The following SEC23IP variants were observed in gnomAD, a reference collection of about 807,000 sequenced individuals.
SEC23IP encodes SEC23 interacting protein, also known as SEC23-interacting protein.
In SEC23IP, 70 loss-of-function variants were observed where a neutral mutation model predicts 113.4. That is an observed-to-expected ratio of 0.62 (90% CI 0.51 to 0.75). The LOEUF is 0.75. Ranked by LOEUF, SEC23IP falls within the 30% of genes least tolerant of loss-of-function variation. SEC23IP has a pLI of 0.00. For synonymous variants in SEC23IP, 398 were observed against 421.0 expected (o/e 0.95, Z 0.67); for missense variants, 1,160 against 1,204.9 (o/e 0.96, Z 0.55).
chr10:119,912,715 A>G (rs1173585654), intron 6 of SEC23IP, among the ~76,000 whole-genome samples: 1 of 145,542 alleles, frequency 6.9e-6, no homozygotes. Context: ...ATCTCAGCTC[A>G]TTACAACCTC....
At chr10:119,897,659 T>C (rs889045809) in intron 1 of SEC23IP, among the ~76,000 whole-genome samples, 4 of 152,046 alleles carry the variant, frequency 2.6e-5, no homozygotes, top group African/African-American at 9.7e-5. Flanking sequence ...ATTTGGGTAG[T>C]CGAGTAACAG....
intron 16 of SEC23IP, 36 bp from the exon 17 acceptor site, chr10:119,932,969 T>C: frequency 6.3e-7 from 1 of 1,578,196 alleles, no homozygotes; most frequent in Non-Finnish European, 8.7e-7. Context: ...AAAGATTAAG[T>C]GATTGACTTT....
chr10:119,927,908 G>T (rs12780763), intron 13 of SEC23IP, among the ~76,000 whole-genome samples: 1 of 152,142 alleles, frequency 6.6e-6, no homozygotes. Context: ...CAGTCCCTTC[G>T]CTGGGAGAGA....
At chr10:119,911,675 A>G (rs2456720) in intron 5 of SEC23IP, among the ~76,000 whole-genome samples, 54,889 of 151,756 alleles carry the variant, frequency 0.36, 10,844 homozygotes, top group East Asian at 0.55. Flanking sequence ...GGGTCTCACC[A>G]TATTGCTCAG....
intron 5 of SEC23IP, among the ~76,000 whole-genome samples, chr10:119,910,272 C>T (rs891394099): frequency 1.3e-5 from 2 of 152,012 alleles, no homozygotes; most frequent in African/African-American, 2.4e-5. Flanking sequence ...TTATTTTTAT[C>T]GTCTCTATGA....
At chr10:119,914,191 G>C (rs149186118) in intron 6 of SEC23IP, among the ~76,000 whole-genome samples, 1 of 152,294 alleles carries the variant, frequency 6.6e-6, no homozygotes, top group Non-Finnish European at 1.5e-5. Flanking sequence ...CAACAGGTAG[G>C]ATGTGGGTAG....
At chr10:119,907,375 C>T (rs1055029024) in intron 4 of SEC23IP, among the ~76,000 whole-genome samples, 4 of 151,754 alleles carry the variant, frequency 2.6e-5, no homozygotes, top group Admixed American at 2.6e-4. Context: ...GAAGGAAATA[C>T]TTCTATTTTC....
intron 12 of SEC23IP, among the ~76,000 whole-genome samples, chr10:119,923,733 G>C (rs1564919979): frequency 6.6e-6 from 1 of 152,054 alleles, no homozygotes; most frequent in Non-Finnish European, 1.5e-5. Flanking sequence ...ATTTTTAGTA[G>C]AGATGGGGTT....
At chr10:119,936,525 C>T (rs1315848761) in intron 18 of SEC23IP, among the ~76,000 whole-genome samples, 2 of 120,606 alleles carry the variant, frequency 1.7e-5, no homozygotes, top group Admixed American at 2.2e-4. Flanking sequence ...GCCTGGGCAA[C>T]AGCATGCGAT....
chr10:119,893,514 C>CT lies in SEC23IP; in HGVS notation c.163+592dup, dbSNP rs60552712. Among the ~76,000 whole-genome samples, 843 of 85,222 alleles carry CT rather than the reference C, an allele frequency of 9.9e-3. 14 individuals are homozygous for CT. The highest frequency in any genetic ancestry group is 0.019 in the African/African-American group (377 of 19,676). 55.9% of individuals were successfully genotyped at this position (85,222 alleles called of 152,430 possible). A position where few individuals can be genotyped will look rare whatever the true frequency, so the allele number is the denominator to read the frequency against. On this transcript the variant is annotated intron_variant, in intron 1 of 18. Transcript: ENST00000369075. ...TAGACATATACAATGCATTCCTTAT[C>CT]TTTTTTTTTTTTTTTTTTTTTTTGA...
At chr10:119,917,505 A>G (rs35124422) in intron 8 of SEC23IP, among the ~76,000 whole-genome samples, 8,300 of 151,576 alleles carry the variant, frequency 0.055, 426 homozygotes, top group South Asian at 0.27. Flanking sequence ...CACCCTCCTG[A>G]GTAGCTGGGA....
chr10:119,935,164 T>TC (rs1249467396), intron 18 of SEC23IP, among the ~76,000 whole-genome samples: 1 of 151,924 alleles, frequency 6.6e-6, no homozygotes, highest in Non-Finnish European at 1.5e-5. Context: ...TTTTTCTTTT[T>TC]TAAAAGACAA....
chr10:119,928,714 A>G (rs1021005253), intron 13 of SEC23IP, among the ~76,000 whole-genome samples: 1 of 152,258 alleles, frequency 6.6e-6, no homozygotes, highest in African/African-American at 2.4e-5. Flanking sequence ...ACTGAGAAAC[A>G]AATGAAAGAG....
intron 17 of SEC23IP, 147 bp downstream of exon 17, chr10:119,933,314 C>T (rs1855668417): frequency 1.3e-6 from 1 of 746,400 alleles, no homozygotes; most frequent in Non-Finnish European, 2.2e-6. Flanking sequence ...GTTATTTTTC[C>T]CCCTTAGTTA....
At chr10:119,932,411 T>C (rs1039149884) in intron 16 of SEC23IP, 93 bp downstream of exon 16, 5 of 990,666 alleles carry the variant, frequency 5.0e-6, no homozygotes, top group African/African-American at 3.3e-5. Flanking sequence ...CTTTCTAGAC[T>C]TTTTGGTTAA....
At chr10:119,912,744 G>A (rs1191278477) in intron 6 of SEC23IP, among the ~76,000 whole-genome samples, 3 of 149,966 alleles carry the variant, frequency 2.0e-5, no homozygotes, top group Non-Finnish European at 3.0e-5. Flanking sequence ...AGGTTCATGC[G>A]ATTCTCTTGC....
chr10:119,941,197 A>C lies in SEC23IP; in HGVS notation c.*632A>C, dbSNP rs1019935154. 8 of 152,166 alleles carry C rather than the reference A, an allele frequency of 5.3e-5. No individual in the cohort carries two copies. The highest frequency in any genetic ancestry group is 1.7e-4 in the African/African-American group (7 of 41,452). The allele number at this position is 152,166 out of a possible 1,614,324, so 9.4% of individuals were successfully genotyped here. A position where few individuals can be genotyped will look rare whatever the true frequency, so the allele number is the denominator to read the frequency against. ...CGATTGCTGAGAGCCTGATTGTGGA[A>C]AGAAGTGAGATGCACCTTATTTTCA... On this transcript the variant is annotated 3_prime_UTR_variant, in exon 19 of 19. Transcript: ENST00000369075.
chr10:119,912,843 G>A (rs537713774), intron 6 of SEC23IP, among the ~76,000 whole-genome samples: 2 of 151,926 alleles, frequency 1.3e-5, no homozygotes, highest in Non-Finnish European at 2.9e-5. Context: ...GTTTCACCAC[G>A]TTGGCCAGGC....
intron 8 of SEC23IP, among the ~76,000 whole-genome samples, chr10:119,916,525 A>T (rs1013464610): frequency 6.6e-6 from 1 of 152,216 alleles, no homozygotes; most frequent in African/African-American, 2.4e-5. Context: ...ATAGTTTAAT[A>T]AAACTATTTC....
Sources: allele counts gnomAD v4.1 joint callset (sites outside exome capture counted in the v4.1 genomes callset), GRCh38; gene constraint gnomAD v4.1.1; transcripts MANE v1.5; gene names NCBI Gene and HGNC (gene_info 2026-07-23, HGNC 2026-07-21).